The following MYO16 variants were observed in gnomAD, a reference collection of about 807,000 sequenced individuals.
MYO16 encodes myosin XVI.
Under a neutral mutation model 205.3 loss-of-function variants are expected in MYO16, and 94 were observed. That is an observed-to-expected ratio of 0.46 (90% CI 0.39 to 0.54). The LOEUF (loss-of-function observed/expected upper bound fraction) is 0.54, where lower values mean the gene tolerates loss of function less well. Ranked by LOEUF, MYO16 falls within the 20% of genes least tolerant of loss-of-function variation. The probability of loss-of-function intolerance (pLI) is 0.00; values close to 1 mark genes in which losing one functional copy is unlikely to be tolerated. For synonymous variants in MYO16, 988 were observed against 954.0 expected (o/e 1.04, Z -0.66); for missense variants, 2,315 against 2,387.5 (o/e 0.97, Z 0.63).
rs79073191 is a variant in MYO16, at chr13:109,034,460, T to G, written c.2797-12456T>G. Among the ~76,000 whole-genome samples, 82 of 152,264 alleles carry G rather than the reference T, an allele frequency of 5.4e-4. 2 individuals are homozygous for G. Among genetic ancestry groups the G allele is most frequent in the Non-Finnish European group, 9.0e-4 (61 of 68,006 alleles). ...TCAGCACTTCTCCTTCCTGCAGCCTTGTGAAGAAGGCACCTTGCTTCCTGT... is the reference window on the plus strand; with the variant it reads ...TCAGCACTTCTCCTTCCTGCAGCCTGGTGAAGAAGGCACCTTGCTTCCTGT... On this transcript the variant is annotated intron_variant, in intron 23 of 34. Coordinates refer to ENST00000457511, the MANE Select transcript of MYO16 (RefSeq NM_001198950.3).
At chr13:108,741,578 C>G (rs945492729) in intron 4 of MYO16, among the ~76,000 whole-genome samples, 1 of 152,034 alleles carries the variant, frequency 6.6e-6, no homozygotes, top group South Asian at 2.1e-4. Flanking sequence ...GAATGTGAAC[C>G]CTGGTTGAAT....
chr13:108,681,173 C>T (rs1566547029), intron 2 of MYO16, among the ~76,000 whole-genome samples: 1 of 152,196 alleles, frequency 6.6e-6, no homozygotes, highest in East Asian at 1.9e-4. Flanking sequence ...CTCTTTCCCA[C>T]ATGTGTGTGT....
intron 1 of MYO16, among the ~76,000 whole-genome samples, chr13:108,632,537 T>C (rs1880034758): frequency 1.3e-5 from 2 of 152,316 alleles, no homozygotes; most frequent in Admixed American, 6.5e-5. Flanking sequence ...GAAAAAATTA[T>C]ACGCTTCAAG....
At chr13:109,063,060 A>G (rs1379459258) in intron 27 of MYO16, among the ~76,000 whole-genome samples, 1 of 152,188 alleles carries the variant, frequency 6.6e-6, no homozygotes, top group East Asian at 1.9e-4. Context: ...GTAAGCAACC[A>G]CTGCTTTGAA....
intron 17 of MYO16, among the ~76,000 whole-genome samples, chr13:108,959,211 G>C (rs1370269237): frequency 6.6e-6 from 1 of 152,000 alleles, no homozygotes; most frequent in Non-Finnish European, 1.5e-5. Context: ...TGATTACCCG[G>C]CCTCTGTTTT....
intron 1 of MYO16, among the ~76,000 whole-genome samples, chr13:108,665,083 G>C (rs1350941752): frequency 6.6e-6 from 1 of 152,006 alleles, no homozygotes; most frequent in East Asian, 1.9e-4. Flanking sequence ...ATCATATAAG[G>C]AGTTGATAGC....
intron 9 of MYO16, among the ~76,000 whole-genome samples, chr13:108,824,034 T>A (rs891996819): frequency 6.6e-6 from 1 of 152,126 alleles, no homozygotes; most frequent in Non-Finnish European, 1.5e-5. Context: ...CAGGTAGAGA[T>A]GGACTGTGAA....
At chr13:108,573,407 A>G in the MYO16 span, among the ~76,000 whole-genome samples, 1 of 152,250 alleles carries the variant, frequency 6.6e-6, no homozygotes, top group Non-Finnish European at 1.5e-5. Context: ...TAAAAATGCT[A>G]CTTAAGCTCA....
chr13:108,752,808 A>ATATTT, intron 4 of MYO16, among the ~76,000 whole-genome samples: 2 of 90,588 alleles, frequency 2.2e-5, no homozygotes, highest in South Asian at 4.4e-4. Context: ...TGCCCAGCTA[A>ATATTT]TTTTTTTTTT....
chr13:109,132,140 A>G (rs560715016), intron 31 of MYO16, among the ~76,000 whole-genome samples: 1 of 152,224 alleles, frequency 6.6e-6, no homozygotes, highest in Non-Finnish European at 1.5e-5. Flanking sequence ...GGGACTTGCA[A>G]TTAAGTCATG....
At chr13:108,776,000 C>A (rs1206559611) in intron 4 of MYO16, among the ~76,000 whole-genome samples, 1 of 152,132 alleles carries the variant, frequency 6.6e-6, no homozygotes, top group Non-Finnish European at 1.5e-5. Flanking sequence ...TTTGCCTATA[C>A]AACTTCCATG....
rs113006051 is a variant in MYO16 at position 108,898,926 on chromosome 13, G to T, written c.1777+793G>T. Among the ~76,000 whole-genome samples, 1,258 of 152,116 alleles carry T rather than the reference G, an allele frequency of 8.3e-3. 15 individuals carry two copies. The highest frequency in any genetic ancestry group is 0.029 in the African/African-American group (1,194 of 41,482). ...TTTTTAAAAAACTTTTACAACAGCTGTCAGCACATAAACATTTGCCAATTA... is the reference window on the plus strand; with the variant it reads ...TTTTTAAAAAACTTTTACAACAGCTTTCAGCACATAAACATTTGCCAATTA... On this transcript the variant is annotated intron_variant, in intron 15 of 34. Transcript: ENST00000457511.
At chr13:109,003,442 G>A (rs9559456) in intron 21 of MYO16, among the ~76,000 whole-genome samples, 21,386 of 152,204 alleles carry the variant, frequency 0.14, 1,588 homozygotes, top group East Asian at 0.2. Context: ...TAGAAGTCCA[G>A]CAGAGACGCT....
chr13:108,567,359 T>C, the MYO16 span, among the ~76,000 whole-genome samples: 1 of 152,174 alleles, frequency 6.6e-6, no homozygotes, highest in African/African-American at 2.4e-5. Flanking sequence ...AAAAGAGGAT[T>C]TCTTGACTGA....
chr13:108,639,994 G>A (rs915074303), intron 1 of MYO16, among the ~76,000 whole-genome samples: 1 of 152,204 alleles, frequency 6.6e-6, no homozygotes, highest in Non-Finnish European at 1.5e-5. Context: ...AAGTCCCACG[G>A]TATGCAAGAA....
At chr13:108,856,601 T>A (rs1878183881) in intron 11 of MYO16, among the ~76,000 whole-genome samples, 1 of 152,030 alleles carries the variant, frequency 6.6e-6, no homozygotes, top group African/African-American at 2.4e-5. Context: ...TGTGTATTTT[T>A]ATAACATTTT....
At chr13:108,676,638 CAG>C (rs1882224635) in intron 2 of MYO16, among the ~76,000 whole-genome samples, 1 of 152,120 alleles carries the variant, frequency 6.6e-6, no homozygotes, top group Non-Finnish European at 1.5e-5. Context: ...TGGGCACACA[CAG>C]AGGGAGGGCA....
At chr13:108,728,416 G>A (rs189491702) in intron 4 of MYO16, among the ~76,000 whole-genome samples, 123 of 139,050 alleles carry the variant, frequency 8.8e-4, no homozygotes, top group African/African-American at 2.9e-3. Context: ...ACCAATGTTG[G>A]TTTCCCATGC....
intron 1 of MYO16, among the ~76,000 whole-genome samples, chr13:108,650,798 C>T (rs1323810880): frequency 6.6e-6 from 1 of 152,066 alleles, no homozygotes; most frequent in African/African-American, 2.4e-5. Context: ...TTTAGAATGG[C>T]AGGGGCATTT....
Sources: gnomAD v4.1 joint callset for allele counts (sites outside exome capture counted in the v4.1 genomes callset) on GRCh38, gnomAD v4.1.1 for gene constraint, MANE v1.5 for transcripts, NCBI Gene and HGNC (gene_info 2026-07-23, HGNC 2026-07-21) for gene names.